RBFOX1: variants seen among roughly 807,000 people sequenced by gnomAD.
RBFOX1 encodes the protein RNA binding fox-1 homolog 1, also known as RNA binding protein fox-1 homolog 1.
In RBFOX1, 8 loss-of-function variants were observed where a neutral mutation model predicts 57.7. The observed-to-expected ratio is 0.14, with a 90% CI of 0.08 to 0.25. The LOEUF (loss-of-function observed/expected upper bound fraction) is 0.25, where lower values mean the gene tolerates loss of function less well. Among genes scored for constraint, RBFOX1 ranks in the 10% least tolerant of loss-of-function variants. RBFOX1 has a pLI of 1.00. For synonymous variants in RBFOX1, 326 were observed against 222.4 expected (o/e 1.47, Z -4.15); for missense variants, 611 against 548.5 (o/e 1.11, Z -1.14).
chr16:6,171,494 C>G (rs1242904329), intron 1 of RBFOX1, among the ~76,000 whole-genome samples: 2 of 152,148 alleles, frequency 1.3e-5, no homozygotes, highest in Non-Finnish European at 2.9e-5. Context: ...AGACACATTC[C>G]TGGAGTTTGG....
At chr16:7,314,834 G>A (rs1181019619) in intron 4 of RBFOX1, among the ~76,000 whole-genome samples, 1 of 152,104 alleles carries the variant, frequency 6.6e-6, no homozygotes, top group Non-Finnish European at 1.5e-5. Flanking sequence ...GGGTTTTTGA[G>A]CCTTTTAAAA....
At chr16:6,864,807 A>G (rs2059621284) in intron 3 of RBFOX1, among the ~76,000 whole-genome samples, 2 of 152,084 alleles carry the variant, frequency 1.3e-5, no homozygotes, top group South Asian at 4.2e-4. Context: ...AAGGAGAGAC[A>G]TATGCTACTT....
At chr16:7,693,479 GAA>G (rs199635596) in intron 14 of RBFOX1, 165 of 501,652 alleles carry the variant, frequency 3.3e-4, no homozygotes, top group Admixed American at 7.3e-4. Context: ...GTTTAGTTAA[GAA>G]AAAAAAAAAA....
chr16:6,970,785 G>C (rs939556412), intron 3 of RBFOX1, among the ~76,000 whole-genome samples: 4 of 152,112 alleles, frequency 2.6e-5, no homozygotes, highest in African/African-American at 9.7e-5. Flanking sequence ...CCTGAATTGG[G>C]TCTTATGCCC....
intron 4 of RBFOX1, among the ~76,000 whole-genome samples, chr16:7,296,864 C>G (rs968893686): frequency 6.6e-6 from 1 of 152,132 alleles, no homozygotes; most frequent in Non-Finnish European, 1.5e-5. Flanking sequence ...GAGTTAAGAG[C>G]CTAGCTTTGT....
intron 4 of RBFOX1, among the ~76,000 whole-genome samples, chr16:5,883,861 A>C (rs2057829118): frequency 1.3e-5 from 2 of 152,218 alleles, no homozygotes; most frequent in Non-Finnish European, 2.9e-5. Flanking sequence ...TGGTTTAAAT[A>C]ATAGGATGAG....
intron 2 of RBFOX1, among the ~76,000 whole-genome samples, chr16:5,497,878 T>C (rs1392142475): frequency 6.6e-6 from 1 of 152,164 alleles, no homozygotes; most frequent in Non-Finnish European, 1.5e-5. Flanking sequence ...ATGCTTTAGG[T>C]AGTTTGTCCC....
intron 2 of RBFOX1, among the ~76,000 whole-genome samples, chr16:6,381,885 T>G (rs1375772131): frequency 6.6e-6 from 1 of 152,202 alleles, no homozygotes; most frequent in Non-Finnish European, 1.5e-5. Context: ...AATAGCTGTC[T>G]CCCCTGCTGC....
At chr16:5,751,519 G>C (rs77562561) in intron 3 of RBFOX1, among the ~76,000 whole-genome samples, 4,386 of 152,270 alleles carry the variant, frequency 0.029, 111 homozygotes, top group Non-Finnish European at 0.044. Context: ...CAAATAGTTA[G>C]ATGATGTGGC....
intron 3 of RBFOX1, among the ~76,000 whole-genome samples, chr16:7,022,283 C>T (rs563958933): frequency 6.6e-6 from 1 of 151,308 alleles, no homozygotes; most frequent in South Asian, 2.1e-4. Flanking sequence ...GAACTCAAGA[C>T]ATTAAGTGAT....
At chr16:5,457,584 G>A (rs773635192) in intron 1 of RBFOX1, among the ~76,000 whole-genome samples, 1 of 152,178 alleles carries the variant, frequency 6.6e-6, no homozygotes, top group African/African-American at 2.4e-5. Context: ...CAGGCATTCA[G>A]TTCCATAGCA....
At chr16:6,441,920 G>A (rs934131062) in intron 2 of RBFOX1, among the ~76,000 whole-genome samples, 4 of 152,118 alleles carry the variant, frequency 2.6e-5, no homozygotes, top group Admixed American at 2.0e-4. Context: ...TGGCGGGAGG[G>A]TCTTCCTAAT....
intron 5 of RBFOX1, among the ~76,000 whole-genome samples, chr16:7,525,489 T>C (rs1246044257): frequency 6.6e-6 from 1 of 152,152 alleles, no homozygotes; most frequent in South Asian, 2.1e-4. Context: ...ATGTGGACAT[T>C]GATCAATTAC....
chr16:5,616,767 TCTC>T (rs2048038711), intron 3 of RBFOX1, among the ~76,000 whole-genome samples: 1 of 135,610 alleles, frequency 7.4e-6, no homozygotes, highest in African/African-American at 2.7e-5. Context: ...TGTCCCCCCT[TCTC>T]CCCTATTTTC....
intron 4 of RBFOX1, among the ~76,000 whole-genome samples, chr16:7,435,218 C>G (rs1016861202): frequency 1.3e-5 from 2 of 152,080 alleles, no homozygotes; most frequent in African/African-American, 4.8e-5. Context: ...GTTTCTTAGA[C>G]TCTGCTTGTA....
rs1297726631 is a variant in RBFOX1, at chr16:5,827,900, T to C, written c.319-39403T>C. ...ATCCATCCATCCATCCATCCATCCA[T>C]CCATCCATCCATCCATCCACCCATC... On this transcript the variant is annotated intron_variant, in intron 3 of 19. Transcript: ENST00000641259. Among the ~76,000 whole-genome samples the C allele has an allele frequency of 2.9e-5, 4 of 138,482 alleles. No individual in the cohort carries two copies. In the South Asian group the frequency reaches 6.9e-4, roughly 24 times the overall value. 90.8% of individuals were successfully genotyped at this position (138,482 alleles called of 152,430 possible).
intron 3 of RBFOX1, among the ~76,000 whole-genome samples, chr16:6,802,080 C>G (rs952612568): frequency 4.6e-5 from 7 of 152,004 alleles, no homozygotes; most frequent in Non-Finnish European, 1.0e-4. Flanking sequence ...CCCAGTAAAA[C>G]TTGTTTAATC....
chr16:5,872,665 G>T (rs185088379), intron 4 of RBFOX1, among the ~76,000 whole-genome samples: 3 of 152,086 alleles, frequency 2.0e-5, no homozygotes, highest in Non-Finnish European at 4.4e-5. Context: ...GAGCCCAGGA[G>T]GTTGAGGTTG....
chr16:5,512,519 A>G lies in RBFOX1; in HGVS notation c.258+45265A>G, dbSNP rs986506494. Among the ~76,000 whole-genome samples, 6 of 152,090 alleles carry G rather than the reference A, an allele frequency of 3.9e-5. No homozygotes were observed. The South Asian group carries it at 1.0e-3, about 26-fold the overall frequency. ...TGTTGGTTTAAACACAATCATCACA[A>G]TCATGGATTAGAATCCCAGCTTTGT... On this transcript the variant is annotated intron_variant, in intron 2 of 2. Transcript: ENST00000585867.
Sources: gnomAD v4.1 joint callset for allele counts (sites outside exome capture counted in the v4.1 genomes callset) on GRCh38, gnomAD v4.1.1 for gene constraint, MANE v1.5 for transcripts, NCBI Gene and HGNC (gene_info 2026-07-23, HGNC 2026-07-21) for gene names.